The following FRMD6 variants were observed in gnomAD, a reference collection of about 807,000 sequenced individuals.
FRMD6 encodes FERM domain-containing protein 6.
Under a neutral mutation model 73.2 loss-of-function variants are expected in FRMD6, and 37 were observed. The observed-to-expected ratio is 0.51, with a 90% CI of 0.39 to 0.66. FRMD6 has a LOEUF of 0.66. FRMD6 is among the 30% of genes least tolerant of loss of function. The pLI, the probability that FRMD6 is intolerant of heterozygous loss-of-function variation, is 0.00. For synonymous variants in FRMD6, 273 were observed against 282.2 expected, an observed-to-expected ratio of 0.97 and a Z score of 0.33; for missense variants, 714 against 780.5, an observed-to-expected ratio of 0.91 and a Z score of 1.02.
intron 1 of FRMD6, among the ~76,000 whole-genome samples, chr14:51,687,417 C>T (rs988423725): frequency 1.3e-5 from 2 of 152,004 alleles, no homozygotes; most frequent in Non-Finnish European, 1.5e-5. Flanking sequence ...AAAAGGAAGA[C>T]TAAGTGTTGG....
intron 2 of FRMD6, among the ~76,000 whole-genome samples, chr14:51,574,751 T>C (rs944916474): frequency 4.6e-5 from 7 of 152,198 alleles, no homozygotes; most frequent in African/African-American, 1.7e-4. Context: ...TAAGAGCTAA[T>C]ATTTGATAGT....
At position 51,574,313 on chromosome 14, in the gene FRMD6, A is replaced by G. The variant is rs531091663; in HGVS notation, c.-147+3903A>G. ...GACCATGGTTTTCCAAGCATAGATC[A>G]GGGCACATGCAAAAATAGACTCTAT... On this transcript the variant is annotated intron_variant, in intron 2 of 14. Transcript: ENST00000356218. 2.5e-3 allele frequency among the ~76,000 whole-genome samples: 386 copies of G among 152,350 alleles called. 1 individual carries two copies. The highest frequency in any genetic ancestry group is 9.7e-3 in the South Asian group (47 of 4,824).
chr14:51,442,692 G>A, the FRMD6 span, among the ~76,000 whole-genome samples: 1 of 152,194 alleles, frequency 6.6e-6, no homozygotes, highest in East Asian at 1.9e-4. Flanking sequence ...GGAAATGTTT[G>A]TTGACATATT....
chr14:51,720,063 C>A lies in FRMD6; in HGVS notation c.1033C>A (p.Gln345Lys). Residue 345 changes from glutamine to lysine, a missense_variant, in exon 11 of 14, where the codon CAG becomes AAG. Gln to Lys is a moderately conservative substitution (Grantham distance 53). Transcript: ENST00000344768. ...RKLEENEEKK[Q>K]YRESYISDNL... ...TGTTCCCCACCACGTAGAGAAGAAG[C>A]AGTACCGGGAATCTTACATCAGTGA... 1 of 1,610,066 alleles carries A rather than the reference C, an allele frequency of 6.2e-7. No individual in the cohort carries two copies. The highest frequency in any genetic ancestry group is 8.5e-7 in the Non-Finnish European group (1 of 1,177,656).
At chr14:51,515,645 A>T (rs1048624903) in intron 1 of FRMD6, among the ~76,000 whole-genome samples, 4 of 152,198 alleles carry the variant, frequency 2.6e-5, no homozygotes, top group Non-Finnish European at 5.9e-5. Flanking sequence ...AGTGACCAGC[A>T]GTAGCCAGGA....
intron 1 of FRMD6, among the ~76,000 whole-genome samples, chr14:51,567,326 C>T (rs1887831941): frequency 6.6e-6 from 1 of 152,176 alleles, no homozygotes; most frequent in African/African-American, 2.4e-5. Context: ...CTAGATGCTA[C>T]CATGACTACC....
chr14:51,587,625 C>T (rs554078665), intron 2 of FRMD6, among the ~76,000 whole-genome samples: 1 of 152,014 alleles, frequency 6.6e-6, no homozygotes, highest in Non-Finnish European at 1.5e-5. Context: ...AGGGCATTTT[C>T]ACTGGGATGG....
At chr14:51,410,467 T>C in the FRMD6 span, among the ~76,000 whole-genome samples, 1 of 152,254 alleles carries the variant, frequency 6.6e-6, no homozygotes, top group Non-Finnish European at 1.5e-5. Context: ...AAAAGTATGT[T>C]TGAACATAAC....
At chr14:51,524,842 T>A (rs939718735) in intron 1 of FRMD6, among the ~76,000 whole-genome samples, 1 of 152,158 alleles carries the variant, frequency 6.6e-6, no homozygotes, top group Non-Finnish European at 1.5e-5. Flanking sequence ...TTGCAGTCTA[T>A]TTGTTTATCC....
At chr14:51,680,353 C>T (rs1731336106) in intron 1 of FRMD6, among the ~76,000 whole-genome samples, 1 of 152,208 alleles carries the variant, frequency 6.6e-6, no homozygotes, top group African/African-American at 2.4e-5. Flanking sequence ...TCCCAGTTCT[C>T]AGCCTTTTCT....
the FRMD6 span, among the ~76,000 whole-genome samples, chr14:51,401,699 A>T: frequency 2.0e-5 from 3 of 150,812 alleles, no homozygotes; most frequent in South Asian, 6.3e-4. Flanking sequence ...CTCGAATGGG[A>T]CGCTGACAGA....
At chr14:51,683,425 A>G (rs952728476) in intron 1 of FRMD6, among the ~76,000 whole-genome samples, 2 of 150,166 alleles carry the variant, frequency 1.3e-5, no homozygotes, top group African/African-American at 4.9e-5. Context: ...GACTACAGGC[A>G]TGTGCCACCA....
At chr14:51,638,495 G>C (rs929592741) in intron 2 of FRMD6, among the ~76,000 whole-genome samples, 2 of 152,164 alleles carry the variant, frequency 1.3e-5, no homozygotes, top group Non-Finnish European at 2.9e-5. Context: ...ACAGCTGACA[G>C]ATGAGCCTCT....
chr14:51,705,881 T>G (rs1175596441), intron 6 of FRMD6, among the ~76,000 whole-genome samples: 1 of 152,136 alleles, frequency 6.6e-6, no homozygotes, highest in African/African-American at 2.4e-5. Context: ...TTCACTAAAT[T>G]TTGCTGCTGT....
chr14:51,657,960 G>A lies in FRMD6; in HGVS notation c.-147+5964G>A, dbSNP rs374865270. On this transcript the variant is annotated intron_variant, in intron 1 of 13. Coordinates refer to ENST00000344768, the MANE Select transcript of FRMD6 (RefSeq NM_001267046.2). The stretch of plus-strand genomic sequence containing the variant: ...ACAGAGTCTCACAGCTGATGACAGC[G>A]CCAGTAGTAGAAGCTGCTCTGACTC... Among the ~76,000 whole-genome samples, 31 of 152,150 alleles carry A rather than the reference G, an allele frequency of 2.0e-4. 1 individual carries two copies. The highest frequency in any genetic ancestry group is 1.2e-3 in the Admixed American group (18 of 15,264).
intron 2 of FRMD6, among the ~76,000 whole-genome samples, chr14:51,690,948 A>G (rs1483247759): frequency 6.6e-6 from 1 of 152,178 alleles, no homozygotes; most frequent in African/African-American, 2.4e-5. Flanking sequence ...AATTGTATAC[A>G]TCCATGTAAC....
At chr14:51,702,896 CA>C (rs1896410848) in intron 5 of FRMD6, among the ~76,000 whole-genome samples, 1 of 151,884 alleles carries the variant, frequency 6.6e-6, no homozygotes, top group African/African-American at 2.4e-5. Context: ...AATCAGTCTC[CA>C]AAAAGATACT....
At chr14:51,613,394 A>G (rs1003300215) in intron 2 of FRMD6, among the ~76,000 whole-genome samples, 1 of 152,162 alleles carries the variant, frequency 6.6e-6, no homozygotes, top group African/African-American at 2.4e-5. Context: ...CAAGAGATGG[A>G]GCAGTATCGG....
chr14:51,728,186 A>T lies in FRMD6; in HGVS notation c.*157A>T. The T allele has an allele frequency of 1.4e-6, 1 of 695,832 alleles. No individual in the cohort carries two copies. Among genetic ancestry groups the T allele is most frequent in the Middle Eastern group, 4.1e-4 (1 of 2,438 alleles). 43.1% of individuals were successfully genotyped at this position (695,832 alleles called of 1,614,324 possible). A position where few individuals can be genotyped will look rare whatever the true frequency, so the allele number is the denominator to read the frequency against. ...ATGATGGAAACAAAAGCCTTGGAAC[A>T]ATTGCACTTTAAGTATTACACAGAA... On this transcript the variant is annotated 3_prime_UTR_variant, in exon 14 of 14. Coordinates refer to ENST00000344768, the MANE Select transcript of FRMD6 (RefSeq NM_001267046.2).
Sources: gnomAD v4.1 joint callset for allele counts (sites outside exome capture counted in the v4.1 genomes callset) on GRCh38, gnomAD v4.1.1 for gene constraint, MANE v1.5 for transcripts, NCBI Gene and HGNC (gene_info 2026-07-23, HGNC 2026-07-21) for gene names.